Variants in BNIP3L observed in about 807,000 individuals in gnomAD.
BNIP3L encodes BCL2/adenovirus E1B 19 kDa protein-interacting protein 3-like.
BNIP3L carries 10 observed loss-of-function variants against 25.5 expected under a neutral mutation model. The observed-to-expected ratio is 0.39, with a 90% CI of 0.24 to 0.67. The LOEUF is 0.67. Among genes scored for constraint, BNIP3L ranks in the 30% least tolerant of loss-of-function variants. The pLI, the probability that BNIP3L is intolerant of heterozygous loss-of-function variation, is 0.45. For missense variants in BNIP3L, 215 were observed against 270.9 expected (o/e 0.79, Z 1.45); for synonymous variants, 113 against 101.2 (o/e 1.12, Z -0.70).
At position 26,408,026 on chromosome 8, in the gene BNIP3L, G is replaced by C; in HGVS notation, c.384G>C (p.Glu128Asp). The C allele has an allele frequency of 6.2e-7, 1 of 1,614,210 alleles. No homozygotes were observed. The highest frequency in any genetic ancestry group is 8.5e-7 in the Non-Finnish European group (1 of 1,180,040). The change falls in exon 4 of 6, where the codon GAG becomes GAC. Residue 128 changes from glutamate (E) to aspartate (D), a missense_variant. By Grantham distance (45) the Glu-to-Asp change is conservative. This residue lies in a region of BNIP3L where 47 missense variants were observed against 43.3 expected (regional missense o/e 1.09). Transcript: ENST00000380629. Reference sequence around the variant, plus strand: ...CAGAAGAAGAAGTTGTAGAAGGAGAGAAGGAAGTCGAGGCTTTGAAGAAAA... The same window carrying C: ...CAGAAGAAGAAGTTGTAGAAGGAGACAAGGAAGTCGAGGCTTTGAAGAAAA... The part of the protein sequence containing the change: ...SQSEEEVVEG[E>D]KEVEALKKSA...
At chr8:26,396,392 A>T (rs1229930350) in intron 3 of BNIP3L, among the ~76,000 whole-genome samples, 3 of 82,094 alleles carry the variant, frequency 3.7e-5, no homozygotes, top group Non-Finnish European at 7.4e-5. Context: ...AGGGTATTCC[A>T]ACAGACCTGC....
chr8:26,404,762 C>G (rs1006071722), intron 3 of BNIP3L, among the ~76,000 whole-genome samples: 5 of 152,218 alleles, frequency 3.3e-5, no homozygotes, highest in Non-Finnish European at 5.9e-5. Context: ...TCCACCTCGG[C>G]CTCCCTAAGT....
At chr8:26,394,307 T>A (rs1233348856) in intron 2 of BNIP3L, among the ~76,000 whole-genome samples, 1 of 152,104 alleles carries the variant, frequency 6.6e-6, no homozygotes, top group African/African-American at 2.4e-5. Flanking sequence ...TATTAATATA[T>A]AAGTTATATA....
chr8:26,386,364 G>A (rs1055327668), intron 1 of BNIP3L, among the ~76,000 whole-genome samples: 2 of 152,158 alleles, frequency 1.3e-5, no homozygotes, highest in African/African-American at 2.4e-5. Context: ...AAGTAGTAGT[G>A]TAAATCGTAG....
chr8:26,387,374 T>C (rs1045110258), intron 1 of BNIP3L, among the ~76,000 whole-genome samples: 3 of 152,230 alleles, frequency 2.0e-5, no homozygotes, highest in East Asian at 1.9e-4. Context: ...TAAAGTCTTT[T>C]AGATAATGGA....
intron 3 of BNIP3L, among the ~76,000 whole-genome samples, chr8:26,407,386 C>T (rs1240248489): frequency 1.3e-5 from 2 of 151,948 alleles, no homozygotes; most frequent in East Asian, 3.9e-4. Context: ...CAGGGTTTCA[C>T]TGTGTTAGCC....
At chr8:26,386,585 C>T (rs966379928) in intron 1 of BNIP3L, among the ~76,000 whole-genome samples, 2 of 152,090 alleles carry the variant, frequency 1.3e-5, no homozygotes, top group African/African-American at 2.4e-5. Context: ...CAGGTGTGCA[C>T]CCCCACATCC....
Position 26,384,583 on chromosome 8 carries a change from G to T in BNIP3L, c.100+1353G>T, listed in dbSNP as rs1451821287. ...ACTGTCTTAGATTTTAGAATGGGAAGAAACTTCAGAGCTAGCTAACTGCCT... is the reference window on the plus strand; with the variant it reads ...ACTGTCTTAGATTTTAGAATGGGAATAAACTTCAGAGCTAGCTAACTGCCT... On this transcript the variant is annotated intron_variant, in intron 1 of 5. Coordinates refer to ENST00000380629, the MANE Select transcript of BNIP3L (RefSeq NM_004331.3). Among the ~76,000 whole-genome samples, 6 of 152,280 alleles carry T rather than the reference G, an allele frequency of 3.9e-5. No homozygotes were observed. The East Asian group carries it at 1.2e-3, about 29-fold the overall frequency.
At chr8:26,402,629 G>T (rs928912899) in intron 3 of BNIP3L, among the ~76,000 whole-genome samples, 1 of 152,132 alleles carries the variant, frequency 6.6e-6, no homozygotes, top group Admixed American at 6.6e-5. Flanking sequence ...CTGCAGTAAA[G>T]AAATTATAGT....
chr8:26,400,614 C>G (rs1806348123), intron 3 of BNIP3L, among the ~76,000 whole-genome samples: 1 of 140,032 alleles, frequency 7.1e-6, no homozygotes, highest in Non-Finnish European at 1.5e-5. Flanking sequence ...AAACTACCAT[C>G]AGAGTGAACA....
In BNIP3L at chr8:26,412,375, G is replaced by A. The variant is rs930911164; in HGVS notation, c.*1963G>A. ...TTTCTATTACAATTGGTATTACAGG[G>A]GGGAAAAGTAAAATTACACTTTACC... On this transcript the variant is annotated 3_prime_UTR_variant, in exon 6 of 6. Transcript: ENST00000380629. The A allele has an allele frequency of 6.6e-6, 1 of 152,140 alleles. No individual in the cohort carries two copies. The highest frequency in any genetic ancestry group is 1.5e-5 in the Non-Finnish European group (1 of 68,022). 9.4% of individuals were successfully genotyped at this position (152,140 alleles called of 1,614,324 possible).
chr8:26,390,509 G>A (rs1168340498), intron 1 of BNIP3L: 1 of 985,258 alleles, frequency 1.0e-6, no homozygotes. Flanking sequence ...AAAAAGACAA[G>A]TTCACAAGGT....
At chr8:26,383,896 GA>G (rs1275049656) in intron 1 of BNIP3L, among the ~76,000 whole-genome samples, 6 of 80,830 alleles carry the variant, frequency 7.4e-5, no homozygotes, top group African/African-American at 2.4e-4. Flanking sequence ...TTGCCCAAGT[GA>G]TTTTTTTTTT....
In BNIP3L at chr8:26,390,114, T is replaced by G. The variant is rs148806649; in HGVS notation, c.101-1129T>G. ...TGGCTACTGTTAACAATTTATTTACTTACTTACTTACTATTCTTTTGTAGA... is the reference window on the plus strand; with the variant it reads ...TGGCTACTGTTAACAATTTATTTACGTACTTACTTACTATTCTTTTGTAGA... On this transcript the variant is annotated intron_variant, in intron 1 of 5. Transcript: ENST00000380629. 1.6e-3 allele frequency among the ~76,000 whole-genome samples: 244 copies of G among 152,268 alleles called. 2 individuals are homozygous for G. The highest frequency in any genetic ancestry group is 5.2e-3 in the African/African-American group (216 of 41,548).
Position 26,391,174 on chromosome 8 carries a change from T to C in BNIP3L, c.101-69T>C, listed in dbSNP as rs960984549. On this transcript the variant is annotated intron_variant, in intron 1 of 5. Coordinates refer to ENST00000380629, the MANE Select transcript of BNIP3L (RefSeq NM_004331.3). Reference sequence around the variant, plus strand: ...TCAGAATTCTTATCTGGATTCACCATGTTCACATCTGTGTGCACATGACAG... The same window carrying C: ...TCAGAATTCTTATCTGGATTCACCACGTTCACATCTGTGTGCACATGACAG... The C allele has an allele frequency of 2.3e-6, 3 of 1,332,794 alleles. No individual in the cohort carries two copies. The African/African-American group carries it at 4.5e-5, about 20-fold the overall frequency. The allele number at this position is 1,332,794 out of a possible 1,614,324, so 82.6% of individuals were successfully genotyped here.
At chr8:26,385,307 C>A (rs1440193362) in intron 1 of BNIP3L, among the ~76,000 whole-genome samples, 4 of 149,518 alleles carry the variant, frequency 2.7e-5, no homozygotes, top group African/African-American at 9.8e-5. Context: ...ACAAAAAGGG[C>A]TGAGCCAGGC....
chr8:26,390,134 T>C (rs1349782100), intron 1 of BNIP3L, among the ~76,000 whole-genome samples: 2 of 152,184 alleles, frequency 1.3e-5, no homozygotes, highest in African/African-American at 4.8e-5. Flanking sequence ...ACTATTCTTT[T>C]GTAGAGACAG....
chr8:26,385,951 A>G (rs1333997131), intron 1 of BNIP3L, among the ~76,000 whole-genome samples: 1 of 152,200 alleles, frequency 6.6e-6, no homozygotes, highest in Non-Finnish European at 1.5e-5. Flanking sequence ...AATTCCTTGA[A>G]GTGATTTTTG....
chr8:26,383,295 C>CCGGCG, intron 1 of BNIP3L, 65 bp downstream of exon 1: 9 of 1,553,580 alleles, frequency 5.8e-6, no homozygotes, highest in Non-Finnish European at 7.9e-6. Context: ...GCCGCCGCCA[C>CCGGCG]CGGCGCGGCG....
Sources: allele counts gnomAD v4.1 joint callset (sites outside exome capture counted in the v4.1 genomes callset), GRCh38; gene constraint gnomAD v4.1.1; regional missense constraint gnomAD v4.1.1; transcripts MANE v1.5; gene names NCBI Gene and HGNC (gene_info 2026-07-23, HGNC 2026-07-21).